Variants in ASTN2 observed in about 807,000 individuals in gnomAD.
ASTN2 encodes astrotactin-2.
In ASTN2, 54 loss-of-function variants were observed where a neutral mutation model predicts 139.8. That is an observed-to-expected ratio of 0.39 (90% CI 0.31 to 0.48). The LOEUF (loss-of-function observed/expected upper bound fraction) is 0.48. ASTN2 is among the 20% of genes least tolerant of loss of function. ASTN2 has a pLI of 0.95. For missense variants in ASTN2, 1,565 were observed against 1,725.1 expected (o/e 0.91, Z 1.64); for synonymous variants, 756 against 719.5 (o/e 1.05, Z -0.81).
At chr9:116,575,761 T>A (rs1853698962) in intron 19 of ASTN2, among the ~76,000 whole-genome samples, 1 of 152,188 alleles carries the variant, frequency 6.6e-6, no homozygotes. Context: ...ATTGACTGTG[T>A]GCCTCTCCCT....
chr9:116,973,914 G>T (rs1836276772), intron 10 of ASTN2, among the ~76,000 whole-genome samples: 2 of 152,156 alleles, frequency 1.3e-5, no homozygotes, highest in South Asian at 2.1e-4. Flanking sequence ...ATCCCTCCCA[G>T]TGAAAGCTGA....
intron 19 of ASTN2, among the ~76,000 whole-genome samples, chr9:116,544,493 CTA>C (rs1481233918): frequency 3.9e-5 from 6 of 152,290 alleles, no homozygotes; most frequent in African/African-American, 1.4e-4. Context: ...CAGTTATTTG[CTA>C]TGTTTCCCCA....
chr9:117,331,115 A>G (rs117822101), intron 1 of ASTN2, among the ~76,000 whole-genome samples: 208 of 152,282 alleles, frequency 1.4e-3, no homozygotes, highest in Non-Finnish European at 2.5e-3. Flanking sequence ...GCAAGGGGGT[A>G]TTTGATAGTG....
At chr9:116,815,131 C>T (rs1241415198) in intron 12 of ASTN2, among the ~76,000 whole-genome samples, 2 of 152,168 alleles carry the variant, frequency 1.3e-5, no homozygotes, top group Admixed American at 6.5e-5. Context: ...CCAACTCTTC[C>T]ACTTGTTACT....
chr9:116,455,900 C>G (rs142884938), intron 20 of ASTN2, among the ~76,000 whole-genome samples: 1 of 151,844 alleles, frequency 6.6e-6, no homozygotes. Flanking sequence ...AATAGACACA[C>G]AGCTAGTATT....
intron 4 of ASTN2, among the ~76,000 whole-genome samples, chr9:117,102,027 A>G (rs1828990651): frequency 6.6e-6 from 1 of 152,202 alleles, no homozygotes; most frequent in African/African-American, 2.4e-5. Flanking sequence ...TTCCACTCCT[A>G]GGTATATACC....
At chr9:117,402,613 C>G (rs965008272) in intron 1 of ASTN2, among the ~76,000 whole-genome samples, 9 of 152,162 alleles carry the variant, frequency 5.9e-5, no homozygotes, top group African/African-American at 2.2e-4. Context: ...GCTCAGTTCA[C>G]TTTGAATTTC....
At chr9:116,625,079 G>A (rs1173480221) in intron 17 of ASTN2, among the ~76,000 whole-genome samples, 1 of 152,180 alleles carries the variant, frequency 6.6e-6, no homozygotes, top group Non-Finnish European at 1.5e-5. Flanking sequence ...TCCCATGTCA[G>A]TTTGGTGCTT....
chr9:117,215,537 A>G (rs1832290419), intron 2 of ASTN2, among the ~76,000 whole-genome samples: 2 of 150,996 alleles, frequency 1.3e-5, no homozygotes, highest in Admixed American at 1.3e-4. Context: ...TAAATATTTG[A>G]GTCTGCATTA....
At position 116,866,846 on chromosome 9, in the gene ASTN2, T is replaced by C. The variant is rs531291760; in HGVS notation, c.1890-3113A>G. ...AGGCAGAGGTTGCAGTGAGCCGAGA[T>C]CGTGCCACGGCACTCTAGCCTAGGT... On this transcript the variant is annotated intron_variant, in intron 10 of 22. Transcript: ENST00000313400. Among the ~76,000 whole-genome samples, 3 of 138,110 alleles carry C rather than the reference T, an allele frequency of 2.2e-5. No homozygotes were observed. The South Asian group carries it at 6.7e-4, about 31-fold the overall frequency. 90.6% of individuals were successfully genotyped at this position (138,110 alleles called of 152,430 possible).
chr9:117,193,786 A>G (rs1046714793), intron 3 of ASTN2, among the ~76,000 whole-genome samples: 15 of 152,132 alleles, frequency 9.9e-5, no homozygotes, highest in South Asian at 2.1e-4. Context: ...TGCCCATTCT[A>G]TCTTCCCCTT....
chr9:116,514,437 T>A (rs565120559), intron 19 of ASTN2, among the ~76,000 whole-genome samples: 161 of 152,164 alleles, frequency 1.1e-3, no homozygotes, highest in African/African-American at 3.6e-3. Flanking sequence ...CAGTTAGGCT[T>A]CTCAGGGGTC....
intron 5 of ASTN2, among the ~76,000 whole-genome samples, chr9:117,078,799 G>A (rs1300583845): frequency 2.6e-5 from 4 of 152,206 alleles, no homozygotes; most frequent in South Asian, 2.1e-4. Flanking sequence ...GCAGTGGCAC[G>A]ACTTTGGCTC....
rs145838963 is a variant in ASTN2, at chr9:117,351,876, C to T, written c.443-60363G>A. Among the ~76,000 whole-genome samples, 382 of 152,284 alleles carry T rather than the reference C, an allele frequency of 2.5e-3. 3 individuals carry two copies. Among genetic ancestry groups the T allele is most frequent in the East Asian group, 0.013 (69 of 5,166 alleles). Reference sequence around the variant, plus strand: ...CAACCAGAGAGATTCTAGTCCTGCACACTGACATCTGGAGCTGCAAAGTCA... The same window carrying T: ...CAACCAGAGAGATTCTAGTCCTGCATACTGACATCTGGAGCTGCAAAGTCA... On this transcript the variant is annotated intron_variant, in intron 1 of 22. Transcript: ENST00000313400.
At chr9:116,613,824 G>C (rs1303585783) in intron 19 of ASTN2, among the ~76,000 whole-genome samples, 1 of 152,176 alleles carries the variant, frequency 6.6e-6, no homozygotes, top group Non-Finnish European at 1.5e-5. Flanking sequence ...ACAAGACAGG[G>C]ATGCCCTCTC....
At chr9:116,837,923 G>T (rs764992122) in intron 11 of ASTN2, among the ~76,000 whole-genome samples, 2 of 152,076 alleles carry the variant, frequency 1.3e-5, no homozygotes, top group Non-Finnish European at 1.5e-5. Flanking sequence ...CCTTTTACTG[G>T]CTATGACACC....
intron 2 of ASTN2, among the ~76,000 whole-genome samples, chr9:117,220,420 C>T (rs7868054): frequency 9.3e-4 from 141 of 152,264 alleles, no homozygotes; most frequent in African/African-American, 3.1e-3. Context: ...CCCTCTCACT[C>T]ACTCGACCTG....
At chr9:117,379,877 A>G (rs545829841) in intron 1 of ASTN2, among the ~76,000 whole-genome samples, 1 of 152,348 alleles carries the variant, frequency 6.6e-6, no homozygotes, top group South Asian at 2.1e-4. Context: ...TATTTGGAAT[A>G]TAATAGATAG....
At chr9:117,203,693 C>T (rs998146016) in intron 3 of ASTN2, among the ~76,000 whole-genome samples, 3 of 152,102 alleles carry the variant, frequency 2.0e-5, no homozygotes, top group African/African-American at 7.2e-5. Flanking sequence ...AGATGTCACT[C>T]AAGGAGTCTG....
Sources: gnomAD v4.1 joint callset for allele counts (sites outside exome capture counted in the v4.1 genomes callset) on GRCh38, gnomAD v4.1.1 for gene constraint, MANE v1.5 for transcripts, NCBI Gene and HGNC (gene_info 2026-07-23, HGNC 2026-07-21) for gene names.